SLFN14: variants seen among roughly 807,000 people sequenced by gnomAD.
SLFN14 encodes protein SLFN14.
A neutral mutation model predicts 58.6 loss-of-function variants in SLFN14; 47 were observed. The ratio of observed to expected loss-of-function variants is 0.80; its 90% CI spans 0.64 to 1.02. The LOEUF (loss-of-function observed/expected upper bound fraction) is 1.02, where lower values mean the gene tolerates loss of function less well. SLFN14 is among the 50% of genes least tolerant of loss of function. The pLI is 0.00. For synonymous variants in SLFN14, 390 were observed against 387.3 expected (o/e 1.01, Z -0.08); for missense variants, 967 against 1,078.4 (o/e 0.90, Z 1.45).
Position 35,549,005 on chromosome 17 carries a change from T to G in SLFN14, c.1973A>C (p.His658Pro), listed in dbSNP as rs1280522618. Residue 658 changes from histidine to proline, a missense_variant, in exon 6 of 6, where the codon CAC (histidine) becomes CCC (proline). Coordinates refer to ENST00000674182, the MANE Select transcript of SLFN14 (RefSeq NM_001129820.2). ...ATTCTCAGTCTCATCCATCACTATGTGTTTAATCTTTAGAAACTCCCCTTG... is the reference window on the plus strand; with the variant it reads ...ATTCTCAGTCTCATCCATCACTATGGGTTTAATCTTTAGAAACTCCCCTTG... Reference protein sequence around the residue: ...FMQGEFLKIKHIVMDETENFC... With the variant: ...FMQGEFLKIKPIVMDETENFC... 6.4e-7 allele frequency: 1 copy of G among 1,551,728 alleles called. No homozygotes were observed. The highest frequency in any genetic ancestry group is 1.4e-5 in the African/African-American group (1 of 73,172).
chr17:35,551,144 T>C (rs1373790671), intron 5 of SLFN14, among the ~76,000 whole-genome samples: 3 of 152,240 alleles, frequency 2.0e-5, no homozygotes, highest in African/African-American at 7.2e-5. Flanking sequence ...TACAGCTCAA[T>C]TCCATGATTA....
rs779049811 is a variant in SLFN14 at position 35,557,353 on chromosome 17, T to C, written c.710A>G (p.Asn237Ser). ...MLPHYVSAFA[N>S]TQGGYVLIGV... The stretch of plus-strand genomic sequence containing the variant: ...AATGAGGACATATCCCCCTTGAGTG[T>C]TGGCAAATGCAGAAACATAATGAGG... The change falls in exon 3 of 6, where the codon AAC becomes AGC. Residue 237 changes from asparagine (N) to serine (S), a missense_variant. Asn to Ser is a conservative substitution (Grantham distance 46). Transcript: ENST00000674182. The C allele has an allele frequency of 5.8e-6, 9 of 1,551,728 alleles. No homozygotes were observed. The highest frequency in any genetic ancestry group is 1.7e-4 in the Middle Eastern group (1 of 5,992).
chr17:35,559,343 C>A (rs1217380974), intron 2 of SLFN14, among the ~76,000 whole-genome samples: 1 of 152,140 alleles, frequency 6.6e-6, no homozygotes, highest in Non-Finnish European at 1.5e-5. Context: ...AATGCAGAAA[C>A]CTTTTCAACT....
At chr17:35,550,111 T>A (rs577579419) in intron 5 of SLFN14, among the ~76,000 whole-genome samples, 6 of 152,306 alleles carry the variant, frequency 3.9e-5, no homozygotes, top group Admixed American at 3.9e-4. Context: ...TTCTCTGGTG[T>A]CTCCATGTCT....
rs78285257 is a variant in SLFN14 at position 35,553,616 on chromosome 17, C to T, written c.1190-172G>A. 205 of 620,708 alleles carry T rather than the reference C, an allele frequency of 3.3e-4. 2 individuals carry two copies. Among genetic ancestry groups the T allele is most frequent in the African/African-American group, 3.3e-3 (176 of 53,776 alleles). The allele number at this position is 620,708 out of a possible 1,614,324, so 38.5% of individuals were successfully genotyped here. Reference sequence around the variant, plus strand: ...TTACTCCCCAACTCTCCCCCATCCCCACGGACATTTGGCAATGTCTGGAAA... The same window carrying T: ...TTACTCCCCAACTCTCCCCCATCCCTACGGACATTTGGCAATGTCTGGAAA... On this transcript the variant is annotated intron_variant, in intron 4 of 5. Coordinates refer to ENST00000674182, the MANE Select transcript of SLFN14 (RefSeq NM_001129820.2).
chr17:35,554,092 A>G (rs2072625017), intron 4 of SLFN14, among the ~76,000 whole-genome samples: 1 of 152,084 alleles, frequency 6.6e-6, no homozygotes, highest in Admixed American at 6.6e-5. Flanking sequence ...AAGGTTGAGA[A>G]ACCCTGCTTT....
At chr17:35,554,477 C>T in intron 4 of SLFN14, 99 bp downstream of exon 4, 1 of 987,328 alleles carries the variant, frequency 1.0e-6, no homozygotes, top group Non-Finnish European at 1.3e-6. Flanking sequence ...TTCATTTGAC[C>T]TTCCCTAAGG....
chr17:35,549,783 A>C (rs1350791841), intron 5 of SLFN14, among the ~76,000 whole-genome samples: 1 of 152,212 alleles, frequency 6.6e-6, no homozygotes, highest in African/African-American at 2.4e-5. Flanking sequence ...TTACATATGC[A>C]GTTCCTAGGG....
chr17:35,549,143 G>T, intron 5 of SLFN14, 70 bp from the exon 6 acceptor site: 1 of 1,231,636 alleles, frequency 8.1e-7, no homozygotes, highest in Non-Finnish European at 1.1e-6. Flanking sequence ...TTACTCTCTG[G>T]AATGGAATCA....
In SLFN14 at chr17:35,557,589, T is replaced by A. The variant is rs2072665695; in HGVS notation, c.474A>T (p.Gln158His). The change falls in exon 3 of 6, where the codon CAA (glutamine) becomes CAT (histidine). Residue 158 changes from glutamine to histidine, a missense_variant. Physicochemically the swap from Gln to His is conservative, Grantham distance 24. Transcript: ENST00000674182. ...ACTTCTTCACCCTTGGTCTTCCTCT[T>A]TGGGCTCTAAACCCCTTCTCTCTGA... ...ELLREKGFRA[Q>H]RGRPRVKKLH... 6.4e-7 allele frequency: 1 copy of A among 1,551,678 alleles called. No individual in the cohort carries two copies. Among genetic ancestry groups the A allele is most frequent in the Non-Finnish European group, 8.7e-7 (1 of 1,146,982 alleles).
chr17:35,544,978 T>C lies in SLFN14; in HGVS notation c.*3261A>G, dbSNP rs911911005. Among the ~76,000 whole-genome samples, 1 of 152,222 alleles carries C rather than the reference T, an allele frequency of 6.6e-6. No individual in the cohort carries two copies. The highest frequency in any genetic ancestry group is 2.4e-5 in the African/African-American group (1 of 41,454). On this transcript the variant is annotated 3_prime_UTR_variant, in exon 6 of 6. Coordinates refer to ENST00000674182, the MANE Select transcript of SLFN14 (RefSeq NM_001129820.2). ...TTAGTTATTTCATTTAGTTAATTGC[T>C]TTATCCATCATATTAAGACTTTGTA...
chr17:35,554,770 C>G (rs1426759643), intron 3 of SLFN14, 66 bp from the exon 4 acceptor site: 32 of 1,006,902 alleles, frequency 3.2e-5, no homozygotes, highest in Non-Finnish European at 4.2e-5. Context: ...AAAAAAAAAG[C>G]CTCTTTTTTT....
Position 35,548,173 on chromosome 17 carries a change from C to A in SLFN14, c.*66G>T. The stretch of plus-strand genomic sequence containing the variant: ...CTCACTTGTAATATTAAAATGGAGT[C>A]ACTGCTACCTGTCTAGGAGAAAGGA... On this transcript the variant is annotated 3_prime_UTR_variant, in exon 6 of 6. Coordinates refer to ENST00000674182, the MANE Select transcript of SLFN14 (RefSeq NM_001129820.2). 7.1e-7 allele frequency: 1 copy of A among 1,413,938 alleles called. No individual in the cohort carries two copies. The highest frequency in any genetic ancestry group is 1.4e-5 in the South Asian group (1 of 73,168). 87.6% of individuals were successfully genotyped at this position (1,413,938 alleles called of 1,614,324 possible).
At chr17:35,553,633 G>T (rs758063428) in intron 4 of SLFN14, 189 bp from the exon 5 acceptor site, 18 of 582,666 alleles carry the variant, frequency 3.1e-5, no homozygotes, top group Non-Finnish European at 4.4e-5. Flanking sequence ...ATTTGGCAAT[G>T]TCTGGAAAAT....
chr17:35,559,012 C>A (rs894177566), intron 2 of SLFN14, among the ~76,000 whole-genome samples: 6 of 151,336 alleles, frequency 4.0e-5, no homozygotes, highest in Non-Finnish European at 5.9e-5. Flanking sequence ...GGAGTTGAGA[C>A]CAGCGTGGAC....
intron 3 of SLFN14, among the ~76,000 whole-genome samples, chr17:35,555,198 C>G (rs1237905935): frequency 6.6e-6 from 1 of 151,876 alleles, no homozygotes; most frequent in Non-Finnish European, 1.5e-5. Context: ...CGGTGAAACC[C>G]CGTCTCTACT....
rs1014873017 is a variant in SLFN14 at position 35,545,674 on chromosome 17, A to T, written c.*2565T>A. Among the ~76,000 whole-genome samples the T allele has an allele frequency of 2.0e-5, 3 of 151,922 alleles. No homozygotes were observed. The highest frequency in any genetic ancestry group is 2.4e-5 in the African/African-American group (1 of 41,352). Reference sequence around the variant, plus strand: ...CATGCCCAACTAAGTTTTTAAAAAAATTTTTTTTGTAGAGATGGGGTCTTG... The same window carrying T: ...CATGCCCAACTAAGTTTTTAAAAAATTTTTTTTTGTAGAGATGGGGTCTTG... On this transcript the variant is annotated 3_prime_UTR_variant, in exon 6 of 6. Coordinates refer to ENST00000674182, the MANE Select transcript of SLFN14 (RefSeq NM_001129820.2).
At chr17:35,549,683 T>C (rs2072566886) in intron 5 of SLFN14, among the ~76,000 whole-genome samples, 1 of 152,206 alleles carries the variant, frequency 6.6e-6, no homozygotes, top group Admixed American at 6.5e-5. Flanking sequence ...CTTTAGCATA[T>C]ATGTATTTTT....
At chr17:35,552,545 C>T (rs539154686) in intron 5 of SLFN14, among the ~76,000 whole-genome samples, 185 bp downstream of exon 5, 1 of 151,766 alleles carries the variant, frequency 6.6e-6, no homozygotes, top group East Asian at 1.9e-4. Flanking sequence ...TGGGTCCCCT[C>T]CCTTTGTATG....
Sources: allele counts gnomAD v4.1 joint callset (sites outside exome capture counted in the v4.1 genomes callset), GRCh38; gene constraint gnomAD v4.1.1; transcripts MANE v1.5; gene names NCBI Gene and HGNC (gene_info 2026-07-23, HGNC 2026-07-21).